The following KLHL29 variants were observed in gnomAD, a reference collection of about 807,000 sequenced individuals.
KLHL29 encodes the protein kelch like family member 29, also known as kelch-like protein 29.
A neutral mutation model predicts 80.4 loss-of-function variants in KLHL29; 21 were observed. That is an observed-to-expected ratio of 0.26 (90% confidence interval 0.19 to 0.38). The LOEUF (loss-of-function observed/expected upper bound fraction) is 0.38, where lower values mean the gene tolerates loss of function less well. KLHL29 is among the 10% of genes least tolerant of loss of function. KLHL29 has a pLI of 1.00. For synonymous variants in KLHL29, 511 were observed against 526.8 expected (o/e 0.97, Z 0.41); for missense variants, 867 against 1,223.9 (o/e 0.71, Z 4.35).
intron 5 of KLHL29, among the ~76,000 whole-genome samples, chr2:23,676,946 T>G (rs1670940233): frequency 6.6e-6 from 1 of 151,980 alleles, no homozygotes; most frequent in Non-Finnish European, 1.5e-5. Flanking sequence ...AAGATTGAGG[T>G]GAATCTGTGA....
At chr2:23,661,558 G>A (rs1169134390) in intron 5 of KLHL29, among the ~76,000 whole-genome samples, 1 of 152,234 alleles carries the variant, frequency 6.6e-6, no homozygotes, top group Non-Finnish European at 1.5e-5. Context: ...GGCATGGGCA[G>A]TGGCAGAGGG....
intron 1 of KLHL29, among the ~76,000 whole-genome samples, chr2:23,463,981 T>C (rs991771696): frequency 2.0e-5 from 3 of 152,212 alleles, no homozygotes; most frequent in African/African-American, 7.2e-5. Context: ...TATTGTGCTG[T>C]TACTGTTTTA....
chr2:23,650,638 T>C (rs1670064384), intron 5 of KLHL29, among the ~76,000 whole-genome samples: 1 of 152,166 alleles, frequency 6.6e-6, no homozygotes, highest in African/African-American at 2.4e-5. Context: ...TTGACCTGGG[T>C]AGAAAACACT....
At chr2:23,551,177 G>A (rs557207550) in intron 2 of KLHL29, among the ~76,000 whole-genome samples, 8 of 152,230 alleles carry the variant, frequency 5.3e-5, no homozygotes, top group African/African-American at 1.7e-4. Context: ...ATTTATACAC[G>A]CCTCCCTTCT....
chr2:23,627,822 G>A (rs1042056189), intron 3 of KLHL29, among the ~76,000 whole-genome samples: 3 of 151,440 alleles, frequency 2.0e-5, no homozygotes, highest in African/African-American at 4.9e-5. Flanking sequence ...ATGTAGAGCT[G>A]TTCCCTTTTC....
chr2:23,635,995 G>T (rs1446048001), intron 3 of KLHL29, among the ~76,000 whole-genome samples: 1 of 152,232 alleles, frequency 6.6e-6, no homozygotes, highest in Admixed American at 6.5e-5. Flanking sequence ...TGGAAATCAG[G>T]GTGGCCTGGG....
chr2:23,523,770 G>A (rs1449222085), intron 2 of KLHL29, among the ~76,000 whole-genome samples: 2 of 152,200 alleles, frequency 1.3e-5, no homozygotes, highest in African/African-American at 4.8e-5. Context: ...GAGCCAATAA[G>A]CCGACGAGGG....
intron 8 of KLHL29, among the ~76,000 whole-genome samples, chr2:23,694,630 G>A (rs753030527): frequency 5.3e-5 from 8 of 152,166 alleles, no homozygotes; most frequent in Non-Finnish European, 1.0e-4. Context: ...CTCCCTAAAC[G>A]CCTCCTCAAC....
intron 1 of KLHL29, among the ~76,000 whole-genome samples, chr2:23,396,353 T>C (rs1666452354): frequency 6.6e-6 from 1 of 152,238 alleles, no homozygotes; most frequent in Admixed American, 6.5e-5. Flanking sequence ...GCCAATTTGT[T>C]GCAATGCTGC....
In KLHL29 at chr2:23,475,853, AT is replaced by A. The variant is rs376384568; in HGVS notation, c.-46+190del. Among the ~76,000 whole-genome samples, 32 of 152,342 alleles carry A rather than the reference AT, an allele frequency of 2.1e-4. No individual in the cohort carries two copies. The South Asian group carries it at 6.0e-3, about 29-fold the overall frequency. On this transcript the variant is annotated intron_variant, in intron 2 of 13. Transcript: ENST00000486442. ...ACTGGTACTGGGGCTTAGCTAAGCC[AT>A]TTTAGCCTCAATCCTCCTAGAATCA...
At chr2:23,578,068 T>C (rs1403963207) in intron 3 of KLHL29, among the ~76,000 whole-genome samples, 1 of 152,214 alleles carries the variant, frequency 6.6e-6, no homozygotes, top group East Asian at 1.9e-4. Context: ...GAGTGTTGTT[T>C]GTCCCTGGAT....
rs564963317 is a variant in KLHL29 at position 23,516,711 on chromosome 2, G to A, written c.-46+41044G>A. On this transcript the variant is annotated intron_variant, in intron 2 of 13. Transcript: ENST00000486442. ...CAGCTCATAGGCAAGGGGCTGGGAA[G>A]TGGACCCTCGAGCCGGTTGGCCAAT... Among the ~76,000 whole-genome samples the A allele has an allele frequency of 7.4e-4, 113 of 152,356 alleles. 1 individual carries two copies. Among genetic ancestry groups the A allele is most frequent in the African/African-American group, 2.6e-3 (110 of 41,590 alleles).
At chr2:23,673,484 G>C (rs116896001) in intron 5 of KLHL29, among the ~76,000 whole-genome samples, 3,373 of 149,840 alleles carry the variant, frequency 0.023, 373 homozygotes, top group Admixed American at 0.19. Context: ...CATTCACAGG[G>C]ATGCATACAC....
At chr2:23,540,766 C>T (rs1424773187) in intron 2 of KLHL29, among the ~76,000 whole-genome samples, 1 of 152,268 alleles carries the variant, frequency 6.6e-6, no homozygotes, top group Non-Finnish European at 1.5e-5. Flanking sequence ...CTCCACTGCC[C>T]TCTGTGGCCA....
intron 2 of KLHL29, among the ~76,000 whole-genome samples, chr2:23,514,382 G>A (rs1665862152): frequency 6.6e-6 from 1 of 152,180 alleles, no homozygotes; most frequent in Non-Finnish European, 1.5e-5. Flanking sequence ...GCCCTTAAGT[G>A]GCCTCAGGGT....
chr2:23,581,939 A>T (rs1667995072), intron 3 of KLHL29, among the ~76,000 whole-genome samples: 1 of 151,846 alleles, frequency 6.6e-6, no homozygotes, highest in Non-Finnish European at 1.5e-5. Flanking sequence ...CCACAACACA[A>T]CCACTCATCA....
intron 1 of KLHL29, among the ~76,000 whole-genome samples, chr2:23,451,218 C>G (rs533283729): frequency 2.0e-5 from 3 of 152,290 alleles, no homozygotes; most frequent in South Asian, 2.1e-4. Flanking sequence ...GTCTCCTCAT[C>G]TTAATACAGA....
At chr2:23,705,533 G>C (rs1672664450) in intron 13 of KLHL29, among the ~76,000 whole-genome samples, 1 of 152,038 alleles carries the variant, frequency 6.6e-6, no homozygotes, top group African/African-American at 2.4e-5. Context: ...GCAAATGGCA[G>C]AGTTAAGCTG....
In KLHL29 at chr2:23,385,552, C is replaced by G. The variant is rs1666151978; in HGVS notation, c.-382C>G. On this transcript the variant is annotated 5_prime_UTR_variant, in exon 1 of 14. Coordinates refer to ENST00000486442, the MANE Select transcript of KLHL29 (RefSeq NM_052920.2). ...GACTTCCCTCTCCCGGGCATCCTCC[C>G]TGGGCTGCCGGGAGGCGGCGGCGGC... is the stretch of plus-strand genomic sequence containing the variant. 1.2e-5 allele frequency: 2 copies of G among 171,450 alleles called. No homozygotes were observed. The highest frequency in any genetic ancestry group is 1.3e-4 in the Admixed American group (2 of 15,288). The allele number at this position is 171,450 out of a possible 1,614,324, so 10.6% of individuals were successfully genotyped here.
Sources: gnomAD v4.1 joint callset for allele counts (sites outside exome capture counted in the v4.1 genomes callset) on GRCh38, gnomAD v4.1.1 for gene constraint, MANE v1.5 for transcripts, NCBI Gene and HGNC (gene_info 2026-07-23, HGNC 2026-07-21) for gene names.